NCKAP5: variants seen among roughly 807,000 people sequenced by gnomAD.
The protein encoded by NCKAP5 is nck-associated protein 5.
Under a neutral mutation model 167.0 loss-of-function variants are expected in NCKAP5, and 92 were observed. That is an observed-to-expected ratio of 0.55 (90% CI 0.47 to 0.66). The LOEUF is 0.66. Among genes scored for constraint, NCKAP5 ranks in the 30% least tolerant of loss-of-function variants. The pLI, the probability that NCKAP5 is intolerant of heterozygous loss-of-function variation, is 0.00. For synonymous variants in NCKAP5, 891 were observed against 877.4 expected (o/e 1.02, Z -0.27); for missense variants, 2,378 against 2,315.0 (o/e 1.03, Z -0.56).
intron 6 of NCKAP5, among the ~76,000 whole-genome samples, chr2:133,064,493 GA>G (rs536969141): frequency 2.0e-3 from 294 of 144,906 alleles, no homozygotes; most frequent in African/African-American, 6.2e-3. Flanking sequence ...TTATACAACT[GA>G]AAAAAAAAAC....
intron 3 of NCKAP5, among the ~76,000 whole-genome samples, chr2:133,467,493 T>C (rs1236767080): frequency 7.9e-5 from 12 of 151,526 alleles, no homozygotes; most frequent in Admixed American, 3.3e-4. Context: ...TGTCTCTGCC[T>C]GGCTTTGGTA....
At position 132,783,021 on chromosome 2, in the gene NCKAP5, G is replaced by A. The variant is rs752414134; in HGVS notation, c.3790C>T (p.Pro1264Ser). Residue 1264 changes from proline to serine, a missense_variant, in exon 14 of 20, where the codon CCA (proline) becomes TCA (serine). Transcript: ENST00000409261. ...SLSSSKPHLKPALGMNGAKAR... is the reference protein window; with the variant it reads ...SLSSSKPHLKSALGMNGAKAR... Reference sequence around the variant, plus strand: ...TTGGCGCCATTCATACCCAGAGCTGGTTTTAGGTGTGGTTTGCTGGAGGAA... The same window carrying A: ...TTGGCGCCATTCATACCCAGAGCTGATTTTAGGTGTGGTTTGCTGGAGGAA... 2 of 1,613,880 alleles carry A rather than the reference G, an allele frequency of 1.2e-6. No homozygotes were observed. The highest frequency in any genetic ancestry group is 1.3e-5 in the African/African-American group (1 of 75,038).
chr2:132,825,748 T>C (rs528930917), intron 11 of NCKAP5, among the ~76,000 whole-genome samples: 1 of 152,384 alleles, frequency 6.6e-6, no homozygotes, highest in South Asian at 2.1e-4. Context: ...GCTAGCCATA[T>C]GGATTTATGC....
In NCKAP5 at chr2:132,725,632, G is replaced by T. The variant is rs373540185; in HGVS notation, c.5708C>A (p.Ala1903Asp). 6.2e-7 allele frequency: 1 copy of T among 1,609,126 alleles called. No individual in the cohort carries two copies. The highest frequency in any genetic ancestry group is 2.2e-5 in the East Asian group (1 of 44,664). Residue 1903 changes from alanine to aspartate, a missense_variant, in exon 19 of 20, where the codon GCC (alanine) becomes GAC (aspartate). Physicochemically the swap from Ala to Asp is moderately radical, Grantham distance 126 (BLOSUM62 -2). Around this residue, in one of 3 missense-constraint regions of NCKAP5, gnomAD observed 1,325 missense variants for 1,274.5 expected, o/e 1.04. Coordinates refer to ENST00000409261, the MANE Select transcript of NCKAP5 (RefSeq NM_207363.3). ...GCAAGTTCGCTGGTTGTTACCTGGG[G>T]CAGCGCTCTTCAGTGCTTTCACTAA... Reference protein sequence around the residue: ...GQLVKALKSAAPEIETT With the variant: ...GQLVKALKSADPEIETT
At chr2:132,854,058 G>A (rs1434698342) in intron 11 of NCKAP5, among the ~76,000 whole-genome samples, 1 of 152,076 alleles carries the variant, frequency 6.6e-6, no homozygotes, top group Non-Finnish European at 1.5e-5. Flanking sequence ...AGCATTTATT[G>A]AGGCTCACGT....
chr2:133,060,105 C>T (rs2079947590), intron 6 of NCKAP5, among the ~76,000 whole-genome samples: 1 of 152,198 alleles, frequency 6.6e-6, no homozygotes, highest in African/African-American at 2.4e-5. Context: ...TAAGAATATA[C>T]ATTCATTCTT....
At chr2:133,631,618 G>A in the NCKAP5 span, among the ~76,000 whole-genome samples, 1 of 152,136 alleles carries the variant, frequency 6.6e-6, no homozygotes, top group Non-Finnish European at 1.5e-5. Context: ...CGTGACATTG[G>A]AGGAGATCTG....
chr2:133,547,606 C>A (rs966551698), intron 2 of NCKAP5, among the ~76,000 whole-genome samples: 1 of 151,258 alleles, frequency 6.6e-6, no homozygotes, highest in Admixed American at 6.6e-5. Flanking sequence ...AGGCACCCCC[C>A]AGCAGGGGCA....
intron 8 of NCKAP5, among the ~76,000 whole-genome samples, chr2:132,920,117 T>C (rs1432177819): frequency 2.0e-5 from 3 of 149,926 alleles, no homozygotes; most frequent in African/African-American, 2.5e-5. Context: ...CCTCTCCCCC[T>C]TGCCATCTGG....
At chr2:133,368,922 A>G (rs1685620074) in intron 3 of NCKAP5, among the ~76,000 whole-genome samples, 1 of 152,222 alleles carries the variant, frequency 6.6e-6, no homozygotes, top group Admixed American at 6.5e-5. Context: ...CTCTACTGGT[A>G]AAAGACAGAT....
At chr2:132,929,025 C>T (rs1327906433) in intron 8 of NCKAP5, among the ~76,000 whole-genome samples, 1 of 152,060 alleles carries the variant, frequency 6.6e-6, no homozygotes, top group African/African-American at 2.4e-5. Context: ...TAGTGGTGTG[C>T]ACCTGTAAAC....
Position 132,963,837 on chromosome 2 carries a change from CT to C in NCKAP5, c.461del (p.Lys154ArgfsTer33). On this transcript the variant is annotated frameshift_variant, in exon 8 of 20. Coordinates refer to ENST00000409261, the MANE Select transcript of NCKAP5 (RefSeq NM_207363.3). LOFTEE classifies it high-confidence loss of function. The part of the protein sequence containing the change: ...EKLSEEERKH[K>X]EALEDLHMVV... ...CCATGTGAAGATCTTCCAAAGCTTC[CT>C]TATGTTTTCTCTCTTCCTCTGACAG... 6.2e-7 allele frequency: 1 copy of C among 1,613,824 alleles called. No homozygotes were observed. The highest frequency in any genetic ancestry group is 8.5e-7 in the Non-Finnish European group (1 of 1,179,820).
At chr2:133,663,222 C>T in the NCKAP5 span, among the ~76,000 whole-genome samples, 507 of 149,312 alleles carry the variant, frequency 3.4e-3, 2 homozygotes, top group African/African-American at 0.012. Flanking sequence ...GCCGAGATTG[C>T]GCCACTGCAG....
chr2:133,648,259 A>AG, the NCKAP5 span, among the ~76,000 whole-genome samples: 7 of 149,780 alleles, frequency 4.7e-5, no homozygotes, highest in African/African-American at 1.7e-4. Context: ...AGCTAGATAT[A>AG]TTAAAAAAAA....
rs3044408 is a variant in NCKAP5, at chr2:132,883,205, T to TACACACACACACACAC, written c.580-4305_580-4290dup. Among the ~76,000 whole-genome samples the TACACACACACACACAC allele has an allele frequency of 6.7e-3, 935 of 139,730 alleles. 11 individuals are homozygous for TACACACACACACACAC. Among genetic ancestry groups the TACACACACACACACAC allele is most frequent in the East Asian group, 0.036 (168 of 4,658 alleles). 91.7% of individuals were successfully genotyped at this position (139,730 alleles called of 152,430 possible). On this transcript the variant is annotated intron_variant, in intron 8 of 19. Coordinates refer to ENST00000409261, the MANE Select transcript of NCKAP5 (RefSeq NM_207363.3). The stretch of plus-strand genomic sequence containing the variant: ...CGACAAAACCAGACCCTGACTCAAA[T>TACACACACACACACAC]ACACACACACACACACACACACACA...
chr2:133,604,550 T>A, the NCKAP5 span, among the ~76,000 whole-genome samples: 1 of 152,024 alleles, frequency 6.6e-6, no homozygotes, highest in South Asian at 2.1e-4. Context: ...GGAATTCTAC[T>A]GTTTATTCTC....
intron 3 of NCKAP5, among the ~76,000 whole-genome samples, chr2:133,487,338 G>T (rs1680998946): frequency 6.6e-6 from 1 of 152,090 alleles, no homozygotes; most frequent in South Asian, 2.1e-4. Flanking sequence ...GAAAGGGCAG[G>T]ATTTGAAAAG....
chr2:132,679,400 G>A (rs1289840192), intron 19 of NCKAP5, among the ~76,000 whole-genome samples: 1 of 152,016 alleles, frequency 6.6e-6, no homozygotes, highest in Non-Finnish European at 1.5e-5. Context: ...CTCCAGGAGG[G>A]TTACCCTAGG....
the NCKAP5 span, among the ~76,000 whole-genome samples, chr2:133,612,026 T>C: frequency 1.3e-5 from 2 of 152,166 alleles, no homozygotes; most frequent in African/African-American, 4.8e-5. Flanking sequence ...TACTGTTAAC[T>C]TTGCCCACAA....
Sources: allele counts gnomAD v4.1 joint callset (sites outside exome capture counted in the v4.1 genomes callset), GRCh38; gene constraint gnomAD v4.1.1; regional missense constraint gnomAD v4.1.1; transcripts MANE v1.5; gene names NCBI Gene and HGNC (gene_info 2026-07-23, HGNC 2026-07-21).